Variants in SLIT3 observed in about 807,000 individuals in gnomAD.
The protein encoded by SLIT3 is slit homolog 3 protein.
SLIT3 carries 68 observed loss-of-function variants against 184.0 expected under a neutral mutation model. The ratio of observed to expected loss-of-function variants is 0.37; its 90% CI spans 0.30 to 0.45. SLIT3 has a LOEUF of 0.45. SLIT3 is among the 20% of genes least tolerant of loss of function. The pLI is 1.00. For missense variants in SLIT3, 1,707 were observed against 2,026.0 expected, an observed-to-expected ratio of 0.84 and a Z score of 3.02; for synonymous variants, 831 against 828.6, an observed-to-expected ratio of 1.00 and a Z score of -0.05.
chr5:168,768,497 A>T (rs1755425714), intron 14 of SLIT3, among the ~76,000 whole-genome samples: 1 of 152,200 alleles, frequency 6.6e-6, no homozygotes, highest in Non-Finnish European at 1.5e-5. Flanking sequence ...GAGCTTCAGG[A>T]CAGCATGGTT....
chr5:168,724,945 C>T (rs541163996), intron 20 of SLIT3, among the ~76,000 whole-genome samples: 73 of 152,170 alleles, frequency 4.8e-4, no homozygotes, highest in Non-Finnish European at 3.8e-4. Flanking sequence ...TTGAACCCAG[C>T]TCTGACTGTA....
chr5:168,930,143 A>G (rs899745144), intron 4 of SLIT3, among the ~76,000 whole-genome samples: 22 of 152,184 alleles, frequency 1.4e-4, no homozygotes, highest in Admixed American at 1.4e-3. Context: ...TAGGTGAAAC[A>G]GCACCTCGGG....
chr5:169,045,778 T>C (rs1757603362), intron 4 of SLIT3, among the ~76,000 whole-genome samples: 1 of 152,218 alleles, frequency 6.6e-6, no homozygotes, highest in South Asian at 2.1e-4. Flanking sequence ...AAGAAGAGTT[T>C]GTGGCCTACA....
chr5:169,236,160 C>T (rs1229950513), intron 3 of SLIT3, among the ~76,000 whole-genome samples: 3 of 152,254 alleles, frequency 2.0e-5, no homozygotes, highest in South Asian at 2.1e-4. Context: ...GATATTTAAA[C>T]TTTGGTAATA....
In SLIT3 at chr5:168,795,669, G is replaced by A. The variant is rs1006711070; in HGVS notation, c.936-91C>T. On this transcript the variant is annotated intron_variant, in intron 9 of 35. Transcript: ENST00000519560. The stretch of plus-strand genomic sequence containing the variant: ...ACTGTGTTCTCTGGCCTTAAGGACA[G>A]GGAGGTCTTTTTTGTCACAGGTGCA... 17 of 1,059,016 alleles carry A rather than the reference G, an allele frequency of 1.6e-5. No homozygotes were observed. In the African/African-American group the frequency reaches 2.0e-4, roughly 13 times the overall value. The allele number at this position is 1,059,016 out of a possible 1,614,324, so 65.6% of individuals were successfully genotyped here.
At chr5:168,679,385 A>C (rs1461074588) in intron 32 of SLIT3, among the ~76,000 whole-genome samples, 1 of 152,068 alleles carries the variant, frequency 6.6e-6, no homozygotes, top group Admixed American at 6.6e-5. Flanking sequence ...ATAATGGTGG[A>C]TACGTGTTAA....
At chr5:169,015,203 C>T (rs1477420906) in intron 4 of SLIT3, among the ~76,000 whole-genome samples, 1 of 152,192 alleles carries the variant, frequency 6.6e-6, no homozygotes, top group East Asian at 1.9e-4. Context: ...GGCTCTGGGA[C>T]ATCCCCTTGT....
chr5:168,912,124 C>A (rs534225583), intron 4 of SLIT3, among the ~76,000 whole-genome samples: 2 of 152,270 alleles, frequency 1.3e-5, no homozygotes, highest in African/African-American at 4.8e-5. Flanking sequence ...TTTATGATGA[C>A]CCACTTCCAT....
At chr5:168,911,082 C>T (rs374596603) in intron 4 of SLIT3, among the ~76,000 whole-genome samples, 6 of 152,248 alleles carry the variant, frequency 3.9e-5, no homozygotes, top group Admixed American at 3.3e-4. Flanking sequence ...ATGGGTTTGA[C>T]GAATGCCAGC....
At chr5:169,229,691 C>CGTG (rs775876304) in intron 3 of SLIT3, among the ~76,000 whole-genome samples, 2 of 133,760 alleles carry the variant, frequency 1.5e-5, no homozygotes, top group Non-Finnish European at 3.6e-5. Flanking sequence ...ACTCTTGGGC[C>CGTG]GTGATGATGA....
At chr5:169,145,193 C>A (rs1761885731) in intron 4 of SLIT3, among the ~76,000 whole-genome samples, 1 of 152,136 alleles carries the variant, frequency 6.6e-6, no homozygotes, top group Admixed American at 6.6e-5. Flanking sequence ...TTAGACCTGA[C>A]CAGAATTGCC....
At position 169,090,750 on chromosome 5, in the gene SLIT3, T is replaced by C. The variant is rs376559795; in HGVS notation, c.413+102729A>G. The stretch of plus-strand genomic sequence containing the variant: ...AGACAAGACAGAGGCCGGATGGAGG[T>C]GATGCCACCACAAGCCAAGGAATGC... On this transcript the variant is annotated intron_variant, in intron 4 of 35. Coordinates refer to ENST00000519560, the MANE Select transcript of SLIT3 (RefSeq NM_003062.4). 6.6e-5 allele frequency among the ~76,000 whole-genome samples: 10 copies of C among 152,110 alleles called. No individual in the cohort carries two copies. In the East Asian group the frequency reaches 1.7e-3, roughly 26 times the overall value.
intron 4 of SLIT3, among the ~76,000 whole-genome samples, chr5:169,032,434 T>C (rs1396789285): frequency 6.6e-6 from 1 of 152,156 alleles, no homozygotes; most frequent in Non-Finnish European, 1.5e-5. Context: ...ACAATCACAT[T>C]TGCTCAGAAT....
At chr5:169,289,864 C>T (rs1204281974) in intron 1 of SLIT3, among the ~76,000 whole-genome samples, 5 of 152,182 alleles carry the variant, frequency 3.3e-5, no homozygotes, top group Admixed American at 3.3e-4. Context: ...TGCAGACATA[C>T]CTGAGTTAGG....
intron 4 of SLIT3, among the ~76,000 whole-genome samples, chr5:169,106,040 G>T (rs533481753): frequency 6.9e-6 from 1 of 145,478 alleles, no homozygotes; most frequent in Non-Finnish European, 1.5e-5. Flanking sequence ...AACACATGCT[G>T]GAGCCTGTTG....
intron 4 of SLIT3, among the ~76,000 whole-genome samples, chr5:169,080,067 T>TC (rs59451770): frequency 0.041 from 6,236 of 152,006 alleles, 400 homozygotes; most frequent in East Asian, 0.23. Flanking sequence ...TGGGCTCAAC[T>TC]CCAATATAAG....
At chr5:168,896,569 T>C (rs189547115) in intron 4 of SLIT3, among the ~76,000 whole-genome samples, 101 of 152,304 alleles carry the variant, frequency 6.6e-4, no homozygotes, top group African/African-American at 2.2e-3. Context: ...CCATTTGGCC[T>C]GTCATGCCTC....
chr5:169,136,609 T>C (rs1417611935), intron 4 of SLIT3, among the ~76,000 whole-genome samples: 2 of 152,210 alleles, frequency 1.3e-5, no homozygotes, highest in Non-Finnish European at 2.9e-5. Context: ...AACCTGACCA[T>C]CATGGATGTT....
chr5:169,223,556 A>G (rs573832318), intron 3 of SLIT3, among the ~76,000 whole-genome samples: 1 of 152,210 alleles, frequency 6.6e-6, no homozygotes, highest in Non-Finnish European at 1.5e-5. Context: ...TCAGGCCTCT[A>G]TACTGCAACC....
Sources: gnomAD v4.1 joint callset for allele counts (sites outside exome capture counted in the v4.1 genomes callset) on GRCh38, gnomAD v4.1.1 for gene constraint, MANE v1.5 for transcripts, NCBI Gene and HGNC (gene_info 2026-07-23, HGNC 2026-07-21) for gene names.